RHCG: variants seen among roughly 807,000 people sequenced by gnomAD.
RHCG encodes the protein ammonium transporter Rh type C.
A neutral mutation model predicts 55.3 loss-of-function variants in RHCG; 39 were observed. The ratio of observed to expected loss-of-function variants is 0.70; its 90% CI spans 0.55 to 0.92. The LOEUF is 0.92. Ranked by LOEUF, RHCG falls within the 40% of genes least tolerant of loss-of-function variation. The pLI, the probability that RHCG is intolerant of heterozygous loss-of-function variation, is 0.00. For missense variants in RHCG, 635 were observed against 627.9 expected, an observed-to-expected ratio of 1.01 and a Z score of -0.12; for synonymous variants, 250 against 246.8, an observed-to-expected ratio of 1.01 and a Z score of -0.12.
chr15:89,494,558 T>C (rs1335834765), intron 1 of RHCG, among the ~76,000 whole-genome samples: 1 of 151,554 alleles, frequency 6.6e-6, no homozygotes, highest in Non-Finnish European at 1.5e-5. Flanking sequence ...GCTGGGGAGA[T>C]GTAAGGACTG....
In RHCG at chr15:89,483,208, G is replaced by C; in HGVS notation, c.381C>G (p.Asn127Lys). Residue 127 changes from asparagine (N) to lysine (K), a missense_variant, in exon 3 of 11, where the codon AAC (asparagine) becomes AAG (lysine). Asn to Lys is a moderately conservative substitution (Grantham distance 94, BLOSUM62 0). Coordinates refer to ENST00000268122, the MANE Select transcript of RHCG (RefSeq NM_016321.3). Reference protein sequence around the residue: ...YIVVGVENLINADFCVASVCV... With the variant: ...YIVVGVENLIKADFCVASVCV... ...AGACAGAGGCCACGCAGAAGTCAGC[G>C]TTGATGAGGCTGTGGGGAGACAGGC... 6.3e-7 allele frequency: 1 copy of C among 1,574,876 alleles called. No individual in the cohort carries two copies. Among genetic ancestry groups the C allele is most frequent in the Non-Finnish European group, 8.7e-7 (1 of 1,149,202 alleles).
At position 89,496,466 on chromosome 15, in the gene RHCG, C is replaced by CGAA; in HGVS notation, c.76_78dup (p.Phe26dup). ...TCGAAGTCGTAGCGCACGAACACCCCGAAGAGAATCACCATAATCACCTGC... is the reference window on the plus strand; with the variant it reads ...TCGAAGTCGTAGCGCACGAACACCCCGAAGAAGAGAATCACCATAATCACCTGC... On this transcript the variant is annotated inframe_insertion, in exon 1 of 11. Transcript: ENST00000268122. 6.2e-7 allele frequency: 1 copy of CGAA among 1,613,996 alleles called. No homozygotes were observed. Among genetic ancestry groups the CGAA allele is most frequent in the Non-Finnish European group, 8.5e-7 (1 of 1,179,944 alleles).
At chr15:89,476,654 C>G (rs1961154747) in intron 9 of RHCG, 101 bp downstream of exon 9, 1 of 945,644 alleles carries the variant, frequency 1.1e-6, no homozygotes, top group Non-Finnish European at 1.7e-6. Context: ...TGACCCCCAC[C>G]CCCGGCATCT....
At chr15:89,490,487 G>A (rs969450350) in intron 1 of RHCG, among the ~76,000 whole-genome samples, 1 of 152,334 alleles carries the variant, frequency 6.6e-6, no homozygotes, top group Admixed American at 6.5e-5. Context: ...ATGTATGATC[G>A]TGTTGCAGGG....
chr15:89,486,599 A>AGTGTGTGT lies in RHCG; in HGVS notation c.371+192_371+199dup, dbSNP rs778060424. 1,741 of 262,366 alleles carry AGTGTGTGT rather than the reference A, an allele frequency of 6.6e-3. 12 individuals carry two copies. Among genetic ancestry groups the AGTGTGTGT allele is most frequent in the African/African-American group, 9.9e-3 (217 of 21,962 alleles). 16.3% of individuals were successfully genotyped at this position (262,366 alleles called of 1,614,324 possible). On this transcript the variant is annotated intron_variant, in intron 2 of 10. Transcript: ENST00000268122. ...GAGAGAGAGAGAGAGAGAGAGAGAG[A>AGTGTGTGT]GTGTGTGTGTGTGTGTGTGTGTGTG... is the stretch of plus-strand genomic sequence containing the variant.
chr15:89,489,546 G>C (rs568532395), intron 1 of RHCG, among the ~76,000 whole-genome samples: 2 of 152,032 alleles, frequency 1.3e-5, no homozygotes, highest in South Asian at 2.1e-4. Flanking sequence ...TCCCAGCCCC[G>C]CCCACCTGTC....
chr15:89,482,458 G>A (rs533958663), intron 3 of RHCG, among the ~76,000 whole-genome samples: 8 of 152,264 alleles, frequency 5.3e-5, no homozygotes, highest in African/African-American at 1.2e-4. Flanking sequence ...GAGTCCAAAC[G>A]TAGAAGAGGA....
In RHCG at chr15:89,474,900, TCCTG is replaced by T. The variant is rs1392633197; in HGVS notation, c.1311+1851_1311+1854del. ...TTCCTTCCTGCCTGCCTTCCTTCCT[TCCTG>T]CCTGCCTTCCTTCCTGCCTGCCTGC... On this transcript the variant is annotated intron_variant, in intron 9 of 10. Transcript: ENST00000268122. Among the ~76,000 whole-genome samples, 23 of 131,156 alleles carry T rather than the reference TCCTG, an allele frequency of 1.8e-4. 1 individual carries two copies. The highest frequency in any genetic ancestry group is 5.8e-4 in the Admixed American group (8 of 13,770). 86.0% of individuals were successfully genotyped at this position (131,156 alleles called of 152,430 possible).
At chr15:89,495,247 C>T (rs188820752) in intron 1 of RHCG, among the ~76,000 whole-genome samples, 1 of 152,190 alleles carries the variant, frequency 6.6e-6, no homozygotes, top group Non-Finnish European at 1.5e-5. Flanking sequence ...TGCAGCCCCC[C>T]AAACGCAGTC....
At chr15:89,491,754 G>A (rs748914023) in intron 1 of RHCG, among the ~76,000 whole-genome samples, 6 of 151,756 alleles carry the variant, frequency 4.0e-5, no homozygotes, top group Non-Finnish European at 7.4e-5. Flanking sequence ...GCAACAGAGT[G>A]AGACTTCATC....
chr15:89,488,992 C>T (rs1295759422), intron 1 of RHCG, among the ~76,000 whole-genome samples: 1 of 152,106 alleles, frequency 6.6e-6, no homozygotes, highest in East Asian at 1.9e-4. Flanking sequence ...ATGTGACTGA[C>T]CCTCACATGG....
At chr15:89,488,543 TC>T (rs1458391737) in intron 1 of RHCG, among the ~76,000 whole-genome samples, 1 of 152,122 alleles carries the variant, frequency 6.6e-6, no homozygotes, top group Non-Finnish European at 1.5e-5. Context: ...AAAGGACCTA[TC>T]CCCTAGGTGG....
rs549582309 is a variant in RHCG at position 89,479,747 on chromosome 15, A to G, written c.671-259T>C. 1.0e-5 allele frequency: 5 copies of G among 501,724 alleles called. No individual in the cohort carries two copies. In the East Asian group the frequency reaches 1.4e-4, roughly 14 times the overall value. The allele number at this position is 501,724 out of a possible 1,614,324, so 31.1% of individuals were successfully genotyped here. On this transcript the variant is annotated intron_variant, in intron 4 of 10. Coordinates refer to ENST00000268122, the MANE Select transcript of RHCG (RefSeq NM_016321.3). Reference sequence around the variant, plus strand: ...GGCTAAATGCCCCCACCCTGTTCCCACAGCGCCAGGAGGGAGAATCTTTTC... The same window carrying G: ...GGCTAAATGCCCCCACCCTGTTCCCGCAGCGCCAGGAGGGAGAATCTTTTC...
chr15:89,480,165 C>G (rs974437178), intron 4 of RHCG, 96 bp downstream of exon 4: 8 of 1,511,964 alleles, frequency 5.3e-6, no homozygotes, highest in Non-Finnish European at 3.7e-6. Flanking sequence ...GTGGCCTTCA[C>G]CCATCATGGT....
chr15:89,477,257 C>G lies in RHCG; in HGVS notation c.1113-51G>C, dbSNP rs1326404759. On this transcript the variant is annotated intron_variant, in intron 7 of 10. Transcript: ENST00000268122. The surrounding 1 kb of genome is among the most constrained non-coding windows in gnomAD (Gnocchi z 4.5). ...AGGGCCCCATGGAGAGGCCAAGTAA[C>G]AGCTTGCTGCCACCCCAAAAATGTG... The G allele has an allele frequency of 6.2e-7, 1 of 1,604,276 alleles. No individual in the cohort carries two copies. Among genetic ancestry groups the G allele is most frequent in the South Asian group, 1.1e-5 (1 of 90,574 alleles).
intron 9 of RHCG, among the ~76,000 whole-genome samples, chr15:89,474,836 G>T (rs1307282359): frequency 1.4e-4 from 12 of 84,602 alleles, no homozygotes; most frequent in Admixed American, 3.6e-4. Context: ...CTTCCTGCCT[G>T]CCTTCCTTCC....
At chr15:89,489,661 C>A (rs779596859) in intron 1 of RHCG, among the ~76,000 whole-genome samples, 1 of 152,162 alleles carries the variant, frequency 6.6e-6, no homozygotes, top group Non-Finnish European at 1.5e-5. Flanking sequence ...CTCCCTTCTG[C>A]TTCTCAGTCC....
intron 4 of RHCG, 143 bp downstream of exon 4, chr15:89,480,118 C>T: frequency 6.5e-6 from 7 of 1,081,286 alleles, no homozygotes; most frequent in Non-Finnish European, 6.8e-6. Context: ...AACTGGCAGC[C>T]ATGCACCATA....
chr15:89,472,734 C>T lies in RHCG; in HGVS notation c.*1G>A, dbSNP rs1262921935. 2 of 1,608,158 alleles carry T rather than the reference C, an allele frequency of 1.2e-6. No individual in the cohort carries two copies. Among genetic ancestry groups the T allele is most frequent in the East Asian group, 2.3e-5 (1 of 44,434 alleles). Reference sequence around the variant, plus strand: ...ACCTGCTCCTCACCTGCCCTGGGAGCCTAGGGTACCAAGGGTACCGAGGAA... The same window carrying T: ...ACCTGCTCCTCACCTGCCCTGGGAGTCTAGGGTACCAAGGGTACCGAGGAA... On this transcript the variant is annotated 3_prime_UTR_variant, in exon 10 of 11. Transcript: ENST00000268122.
Sources: allele counts gnomAD v4.1 joint callset (sites outside exome capture counted in the v4.1 genomes callset), GRCh38; gene constraint gnomAD v4.1.1; non-coding constraint Gnocchi (gnomAD v3.1); transcripts MANE v1.5; gene names NCBI Gene and HGNC (gene_info 2026-07-23, HGNC 2026-07-21).